Variants in SATL1 observed in about 807,000 individuals in gnomAD.
SATL1 encodes spermidine/spermine N1-acetyl transferase like 1, also known as spermidine/spermine N(1)-acetyltransferase-like protein 1.
SATL1 carries 47 observed loss-of-function variants against 51.8 expected under a neutral mutation model. The ratio of observed to expected loss-of-function variants is 0.91; its 90% CI spans 0.72 to 1.16. The LOEUF (loss-of-function observed/expected upper bound fraction) is 1.16. Ranked by LOEUF, SATL1 falls within the 50% of genes most tolerant of loss-of-function variation. The pLI is 0.00. For synonymous variants in SATL1, 176 were observed against 182.4 expected (o/e 0.97, Z 0.28); for missense variants, 520 against 526.4 (o/e 0.99, Z 0.12).
At chrX:85,151,295 C>T (rs752606177) in intron 2 of SATL1, among the ~76,000 whole-genome samples, 14 of 110,636 alleles carry the variant, frequency 1.3e-4, no homozygotes, top group South Asian at 1.2e-3. Flanking sequence ...AACTACAAAC[C>T]GGTGCTCAAG....
At chrX:85,159,934 C>T (rs1004277852) in intron 2 of SATL1, among the ~76,000 whole-genome samples, 7 of 111,558 alleles carry the variant, frequency 6.3e-5, no homozygotes, top group Admixed American at 3.8e-4. Context: ...CATCCATTGG[C>T]GTTCTGGGAC....
At chrX:85,205,487 TA>T (rs1227967565) in intron 2 of SATL1, among the ~76,000 whole-genome samples, 1 of 112,046 alleles carries the variant, frequency 8.9e-6, no homozygotes, top group Admixed American at 9.5e-5. Flanking sequence ...TGGATAACAT[TA>T]ATTGGAAAAG....
chrX:85,125,737 T>A (rs868157960), intron 2 of SATL1, among the ~76,000 whole-genome samples: 3 of 109,233 alleles, frequency 2.7e-5, no homozygotes, highest in Admixed American at 9.9e-5. Context: ...ATGAAAAAAA[T>A]TTTTAAATAT....
At chrX:85,240,407 T>C (rs1386276138) in intron 1 of SATL1, among the ~76,000 whole-genome samples, 1 of 111,871 alleles carries the variant, frequency 8.9e-6, no homozygotes, top group African/African-American at 3.2e-5. Context: ...CTGATGATCC[T>C]TGCCTGGATC....
chrX:85,127,228 C>T (rs928581870), intron 2 of SATL1, among the ~76,000 whole-genome samples: 4 of 110,653 alleles, frequency 3.6e-5, no homozygotes, highest in Admixed American at 9.7e-5. Flanking sequence ...GAGCCTGATC[C>T]TCTACCGCCT....
intron 1 of SATL1, among the ~76,000 whole-genome samples, chrX:85,231,198 T>C (rs762906651): frequency 1.8e-5 from 2 of 112,078 alleles, no homozygotes; most frequent in Non-Finnish European, 3.8e-5. Context: ...ATGTGGTATA[T>C]GCATACAAAA....
intron 1 of SATL1, among the ~76,000 whole-genome samples, chrX:85,233,098 G>A (rs1569251800): frequency 8.9e-6 from 1 of 112,098 alleles, no homozygotes; most frequent in Admixed American, 9.4e-5. Flanking sequence ...TCAGCACAGA[G>A]AGACAGATTC....
chrX:85,156,340 G>A (rs73232594), intron 2 of SATL1: 10,735 of 110,958 alleles, frequency 0.097, 529 homozygotes, highest in South Asian at 0.16. Flanking sequence ...GCGTTCATCA[G>A]GACTCCAACC....
At chrX:85,195,823 T>A (rs965103219) in intron 2 of SATL1, among the ~76,000 whole-genome samples, 13 of 109,053 alleles carry the variant, frequency 1.2e-4, no homozygotes, top group Non-Finnish European at 2.5e-4. Context: ...AATAATAATA[T>A]TAGTAATAAT....
intron 2 of SATL1, among the ~76,000 whole-genome samples, chrX:85,157,896 T>C (rs1439232820): frequency 1.8e-5 from 2 of 111,688 alleles, no homozygotes; most frequent in Non-Finnish European, 3.8e-5. Flanking sequence ...CCAATCTACA[T>C]ATTCTTCTCT....
chrX:85,129,382 C>G (rs183895083), intron 2 of SATL1, among the ~76,000 whole-genome samples: 148 of 110,971 alleles, frequency 1.3e-3, no homozygotes, highest in African/African-American at 4.5e-3. Context: ...AGTTGGATTC[C>G]TAGGTATTTT....
intron 2 of SATL1, among the ~76,000 whole-genome samples, chrX:85,187,515 T>C (rs144853279): frequency 0.028 from 3,162 of 111,616 alleles, 111 homozygotes; most frequent in African/African-American, 0.097. Context: ...TTATTGAGAG[T>C]TTTTGTCACA....
At chrX:85,169,942 T>TA (rs896208927) in intron 2 of SATL1, among the ~76,000 whole-genome samples, 7 of 111,366 alleles carry the variant, frequency 6.3e-5, no homozygotes, top group African/African-American at 2.3e-4. Context: ...TATGCAGCTA[T>TA]AAAAAAGAAC....
At chrX:85,093,330 A>G (rs2147677510) in intron 6 of SATL1, 105 bp from the exon 7 acceptor site, 2 of 762,956 alleles carry the variant, frequency 2.6e-6, no homozygotes, top group Non-Finnish European at 3.8e-6. Flanking sequence ...TGTTTTTTGT[A>G]TATTATTAAT....
intron 2 of SATL1, among the ~76,000 whole-genome samples, chrX:85,153,256 A>C (rs934855571): frequency 1.8e-5 from 2 of 111,132 alleles, no homozygotes; most frequent in African/African-American, 6.5e-5. Flanking sequence ...CAGACTGGCC[A>C]AGTTAGTCTG....
intron 2 of SATL1, among the ~76,000 whole-genome samples, chrX:85,129,061 A>T (rs977149950): frequency 6.3e-5 from 7 of 111,883 alleles, no homozygotes; most frequent in African/African-American, 2.3e-4. Flanking sequence ...CTTGTAGTAT[A>T]GCTTGAAGTC....
At chrX:85,182,521 T>C (rs1927226840) in intron 2 of SATL1, among the ~76,000 whole-genome samples, 1 of 111,993 alleles carries the variant, frequency 8.9e-6, no homozygotes, top group African/African-American at 3.2e-5. Context: ...TTCTATATCG[T>C]AGCTACCGTG....
At chrX:85,199,350 C>T in intron 2 of SATL1, among the ~76,000 whole-genome samples, 1 of 111,541 alleles carries the variant, frequency 9.0e-6, no homozygotes. Flanking sequence ...ATTAGTATAT[C>T]ACTACGGAGA....
chrX:85,139,688 C>T (rs762279460), intron 2 of SATL1, among the ~76,000 whole-genome samples: 7 of 111,486 alleles, frequency 6.3e-5, no homozygotes, highest in Non-Finnish European at 1.3e-4. Flanking sequence ...TCAGAAAGAG[C>T]CCTCAGATTA....
Sources: allele counts gnomAD v4.1 joint callset (sites outside exome capture counted in the v4.1 genomes callset), GRCh38; gene constraint gnomAD v4.1.1; transcripts MANE v1.5; gene names NCBI Gene and HGNC (gene_info 2026-07-23, HGNC 2026-07-21).